IRS1: variants seen among roughly 807,000 people sequenced by gnomAD.
IRS1 encodes the protein insulin receptor substrate 1.
Under a neutral mutation model 65.6 loss-of-function variants are expected in IRS1, and 34 were observed. The observed-to-expected ratio is 0.52, with a 90% CI of 0.39 to 0.69. The LOEUF (loss-of-function observed/expected upper bound fraction) is 0.69. Ranked by LOEUF, IRS1 falls within the 30% of genes least tolerant of loss-of-function variation. The probability of loss-of-function intolerance (pLI) is 0.00; values close to 1 mark genes in which losing one functional copy is unlikely to be tolerated. For synonymous variants in IRS1, 699 were observed against 683.5 expected (o/e 1.02, Z -0.35); for missense variants, 1,641 against 1,720.2 (o/e 0.95, Z 0.81).
Position 226,794,659 on chromosome 2 carries a change from G to C in IRS1, c.*21+330C>G, listed in dbSNP as rs963350932. 3.9e-5 allele frequency among the ~76,000 whole-genome samples: 6 copies of C among 152,218 alleles called. No individual in the cohort carries two copies. The highest frequency in any genetic ancestry group is 8.8e-5 in the Non-Finnish European group (6 of 68,032). ...GGCTGACCTAAATATATAGTGAAAA[G>C]AAAACTTCAACAAACAAATCAAGCT... On this transcript the variant is annotated intron_variant, in intron 1 of 1. Coordinates refer to ENST00000305123, the MANE Select transcript of IRS1 (RefSeq NM_005544.3). The surrounding 1 kb of genome is among the most constrained non-coding windows in gnomAD (Gnocchi z 4.1).
intron 1 of IRS1, among the ~76,000 whole-genome samples, chr2:226,784,243 ACT>A (rs1939443990): frequency 6.6e-6 from 1 of 152,218 alleles, no homozygotes; most frequent in Admixed American, 6.5e-5. Context: ...CATATATAAA[ACT>A]CTTTAACAGC....
intron 1 of IRS1, among the ~76,000 whole-genome samples, chr2:226,743,896 G>A (rs902757403): frequency 2.0e-5 from 3 of 152,182 alleles, no homozygotes; most frequent in Admixed American, 6.5e-5. Context: ...TAGACAAAAG[G>A]GAATCAGGCA....
Position 226,741,829 on chromosome 2 carries a change from A to AC in IRS1, c.*22-5580_*22-5579insG, listed in dbSNP as rs1553528301. 5.0e-3 allele frequency among the ~76,000 whole-genome samples: 618 copies of AC among 122,664 alleles called. 4 individuals are homozygous for AC. Among genetic ancestry groups the AC allele is most frequent in the African/African-American group, 0.018 (579 of 32,244 alleles). The allele number at this position is 122,664 out of a possible 152,430, so 80.5% of individuals were successfully genotyped here. A position where few individuals can be genotyped will look rare whatever the true frequency, so the allele number is the denominator to read the frequency against. On this transcript the variant is annotated intron_variant, in intron 1 of 1. Coordinates refer to ENST00000305123, the MANE Select transcript of IRS1 (RefSeq NM_005544.3). ...CACACACACACACACACACACACAT[A>AC]ACACACACACACATATTATCATCAG...
chr2:226,742,032 TTAG>T (rs1938450157), intron 1 of IRS1, among the ~76,000 whole-genome samples: 1 of 152,244 alleles, frequency 6.6e-6, no homozygotes, highest in African/African-American at 2.4e-5. Flanking sequence ...AGCATTTGAG[TTAG>T]TAGCACAGAA....
chr2:226,794,912 G>C lies in IRS1; in HGVS notation c.*21+77C>G. On this transcript the variant is annotated intron_variant, in intron 1 of 1. Transcript: ENST00000305123. The surrounding 1 kb of genome is among the most constrained non-coding windows in gnomAD (Gnocchi z 4.1). Reference sequence around the variant, plus strand: ...GAAGCAGTGGGAAAGAACAGGAAGGGGCAGAGGCGAAGAACAGAATTCAAG... The same window carrying C: ...GAAGCAGTGGGAAAGAACAGGAAGGCGCAGAGGCGAAGAACAGAATTCAAG... 7.9e-7 allele frequency: 1 copy of C among 1,269,258 alleles called. No homozygotes were observed. The highest frequency in any genetic ancestry group is 1.1e-6 in the Non-Finnish European group (1 of 874,720). 78.6% of individuals were successfully genotyped at this position (1,269,258 alleles called of 1,614,324 possible). A position where few individuals can be genotyped will look rare whatever the true frequency, so the allele number is the denominator to read the frequency against.
rs182804742 is a variant in IRS1, at chr2:226,752,041, T to C, written c.*22-15791A>G. Among the ~76,000 whole-genome samples, 28 of 152,280 alleles carry C rather than the reference T, an allele frequency of 1.8e-4. No individual in the cohort carries two copies. In the East Asian group the frequency reaches 4.8e-3, roughly 26 times the overall value. ...ATCATGGTCTATAACAACTTCAACTTTGAAATATCAAAAGTATTGATATTA... is the reference window on the plus strand; with the variant it reads ...ATCATGGTCTATAACAACTTCAACTCTGAAATATCAAAAGTATTGATATTA... On this transcript the variant is annotated intron_variant, in intron 1 of 1. Coordinates refer to ENST00000305123, the MANE Select transcript of IRS1 (RefSeq NM_005544.3).
chr2:226,739,147 G>A (rs1166988616), intron 1 of IRS1, among the ~76,000 whole-genome samples: 1 of 152,202 alleles, frequency 6.6e-6, no homozygotes, highest in Non-Finnish European at 1.5e-5. Flanking sequence ...GACGTATCAA[G>A]TGCATCGACA....
intron 1 of IRS1, among the ~76,000 whole-genome samples, chr2:226,753,386 C>T (rs1938721286): frequency 6.6e-6 from 1 of 152,164 alleles, no homozygotes; most frequent in African/African-American, 2.4e-5. Context: ...TTATAACCTG[C>T]ATTATTACAC....
intron 1 of IRS1, among the ~76,000 whole-genome samples, chr2:226,741,468 C>T (rs1938434761): frequency 6.6e-6 from 1 of 152,238 alleles, no homozygotes; most frequent in African/African-American, 2.4e-5. Flanking sequence ...AGAAGGATTC[C>T]TCTCAGGTTA....
rs1461620407 is a variant in IRS1 at position 226,795,088 on chromosome 2, G to A, written c.3651C>T (p.Ser1217=). The change falls in exon 1 of 2, where the codon AGC becomes AGT. Residue 1217 remains serine (S), a synonymous_variant. Transcript: ENST00000305123. ...PHQPLGSGES[S]STRRSSEDLS... ...AATCCTCACTTGAGCGGCGGGTGGA[G>A]CTGCTCTCACCGCTGCCCAGGGGTT... 1 of 1,607,072 alleles carries A rather than the reference G, an allele frequency of 6.2e-7. No homozygotes were observed. The highest frequency in any genetic ancestry group is 2.2e-5 in the East Asian group (1 of 44,544).
chr2:226,759,553 C>A (rs577732084), intron 1 of IRS1, among the ~76,000 whole-genome samples: 2 of 152,122 alleles, frequency 1.3e-5, no homozygotes, highest in Admixed American at 1.3e-4. Context: ...TTGGTATGTG[C>A]CCAAATTTAT....
chr2:226,747,895 C>G (rs947911233), intron 1 of IRS1, among the ~76,000 whole-genome samples: 4 of 152,194 alleles, frequency 2.6e-5, no homozygotes, highest in Non-Finnish European at 5.9e-5. Flanking sequence ...AGGAGAGATG[C>G]TACTGGCTTC....
At chr2:226,785,989 C>T (rs888755078) in intron 1 of IRS1, among the ~76,000 whole-genome samples, 6 of 147,616 alleles carry the variant, frequency 4.1e-5, no homozygotes, top group African/African-American at 1.5e-4. Flanking sequence ...TGAGAACATG[C>T]GGTGTTTGGT....
At chr2:226,778,141 G>A (rs546133890) in intron 1 of IRS1, among the ~76,000 whole-genome samples, 57 of 152,002 alleles carry the variant, frequency 3.7e-4, no homozygotes, top group Non-Finnish European at 6.2e-4. Context: ...TATGGTCATC[G>A]TGTTTTATTT....
At position 226,798,652 on chromosome 2, in the gene IRS1, G is replaced by A. The variant is rs761796038; in HGVS notation, c.87C>T (p.Phe29=). 1 of 1,613,306 alleles carries A rather than the reference G, an allele frequency of 6.2e-7. No homozygotes were observed. The highest frequency in any genetic ancestry group is 8.5e-7 in the Non-Finnish European group (1 of 1,179,798). ...LRKPKSMHKR[F]FVLRAASEAG... ...CCTCGCTGGCCGCGCGCAGTACGAAGAAGCGTTTGTGCATGCTCTTGGGTT... is the reference window on the plus strand; with the variant it reads ...CCTCGCTGGCCGCGCGCAGTACGAAAAAGCGTTTGTGCATGCTCTTGGGTT... Residue 29 remains phenylalanine, a synonymous_variant, in exon 1 of 2, where the codon TTC becomes TTT. Coordinates refer to ENST00000305123, the MANE Select transcript of IRS1 (RefSeq NM_005544.3). The surrounding 1 kb of genome is among the most constrained non-coding windows in gnomAD (Gnocchi z 9.4).
At chr2:226,753,875 C>G (rs1416686545) in intron 1 of IRS1, among the ~76,000 whole-genome samples, 1 of 152,072 alleles carries the variant, frequency 6.6e-6, no homozygotes, top group Non-Finnish European at 1.5e-5. Context: ...TTGATTAAGA[C>G]AGGGTCTTGC....
intron 1 of IRS1, among the ~76,000 whole-genome samples, chr2:226,772,835 GTATCT>G (rs1447841955): frequency 6.6e-6 from 1 of 152,108 alleles, no homozygotes; most frequent in Non-Finnish European, 1.5e-5. Context: ...CCTGTTTTAA[GTATCT>G]TATCTGTAAG....
chr2:226,764,473 T>C (rs1938988457), intron 1 of IRS1, among the ~76,000 whole-genome samples: 1 of 151,812 alleles, frequency 6.6e-6, no homozygotes, highest in Admixed American at 6.6e-5. Flanking sequence ...AGTCGAGGAG[T>C]GCGAGGCTGC....
chr2:226,754,578 T>A (rs554488488), intron 1 of IRS1, among the ~76,000 whole-genome samples: 2 of 152,200 alleles, frequency 1.3e-5, no homozygotes, highest in Non-Finnish European at 2.9e-5. Flanking sequence ...CAATTAGGAT[T>A]CAAAATCCAT....
Sources: gnomAD v4.1 joint callset for allele counts (sites outside exome capture counted in the v4.1 genomes callset) on GRCh38, gnomAD v4.1.1 for gene constraint, Gnocchi (gnomAD v3.1) non-coding constraint, MANE v1.5 for transcripts, NCBI Gene and HGNC (gene_info 2026-07-23, HGNC 2026-07-21) for gene names.